Variants in APPL2 observed in about 807,000 individuals in gnomAD.
The protein encoded by APPL2 is DCC-interacting protein 13-beta.
Under a neutral mutation model 92.7 loss-of-function variants are expected in APPL2, and 84 were observed. The observed-to-expected ratio is 0.91, with a 90% CI of 0.76 to 1.09. APPL2 has a LOEUF of 1.09. APPL2 is among the 50% of genes least tolerant of loss of function. APPL2 has a pLI of 0.00. For missense variants in APPL2, 736 were observed against 824.5 expected (o/e 0.89, Z 1.31); for synonymous variants, 291 against 291.0 (o/e 1.00, Z 0.00).
chr12:105,217,272 C>G, intron 3 of APPL2, 132 bp from the exon 4 acceptor site: 1 of 619,644 alleles, frequency 1.6e-6, no homozygotes, highest in Middle Eastern at 2.6e-4. Context: ...TCAGAAGTGT[C>G]TACCTGAAGA....
At chr12:105,201,234 A>T (rs550667881) in intron 9 of APPL2, among the ~76,000 whole-genome samples, 1 of 152,170 alleles carries the variant, frequency 6.6e-6, no homozygotes, top group East Asian at 1.9e-4. Flanking sequence ...ATGCAGCTCG[A>T]TTTTGGCTTT....
chr12:105,197,690 A>G, intron 11 of APPL2, 75 bp downstream of exon 11: 5 of 1,562,938 alleles, frequency 3.2e-6, no homozygotes, highest in Non-Finnish European at 4.4e-6. Context: ...GCACATAGGA[A>G]TGAACTAGGA....
chr12:105,233,406 A>G, intron 1 of APPL2: 1 of 985,482 alleles, frequency 1.0e-6, no homozygotes, highest in Non-Finnish European at 1.2e-6. Context: ...TAGTTTTACA[A>G]TGCATCGTGC....
rs118064566 is a variant in APPL2, at chr12:105,204,647, T to C, written c.622-862A>G. Among the ~76,000 whole-genome samples the C allele has an allele frequency of 8.5e-5, 13 of 152,292 alleles. No homozygotes were observed. In the East Asian group the frequency reaches 2.5e-3, roughly 29 times the overall value. On this transcript the variant is annotated intron_variant, in intron 8 of 20. Transcript: ENST00000258530. ...ATCAAAATGAGTATTAATCATTTAA[T>C]ATCATTAATTTGTTAAATCAGCACT...
At chr12:105,204,971 C>T (rs931114789) in intron 8 of APPL2, among the ~76,000 whole-genome samples, 14 of 152,166 alleles carry the variant, frequency 9.2e-5, no homozygotes, top group Middle Eastern at 3.2e-3. Context: ...GCATGAGGAC[C>T]GAACATGACT....
At chr12:105,197,449 C>T (rs1887756419) in intron 11 of APPL2, among the ~76,000 whole-genome samples, 1 of 152,204 alleles carries the variant, frequency 6.6e-6, no homozygotes, top group Non-Finnish European at 1.5e-5. Context: ...TAGGAGTAGC[C>T]ACAGCCTTCT....
At chr12:105,187,952 A>G (rs969112065) in intron 17 of APPL2, among the ~76,000 whole-genome samples, 2 of 151,914 alleles carry the variant, frequency 1.3e-5, no homozygotes, top group African/African-American at 4.8e-5. Flanking sequence ...TTTTTTATAA[A>G]TAGTACTCTC....
chr12:105,214,543 A>G (rs1352960082), intron 4 of APPL2, among the ~76,000 whole-genome samples: 1 of 152,250 alleles, frequency 6.6e-6, no homozygotes, highest in Non-Finnish European at 1.5e-5. Context: ...AGTGCATGTG[A>G]TATCATGATA....
chr12:105,176,199 C>G, intron 19 of APPL2, 117 bp from the exon 20 acceptor site: 1 of 867,352 alleles, frequency 1.2e-6, no homozygotes, highest in Non-Finnish European at 1.8e-6. Context: ...CTTGGGAACA[C>G]AGGACCTGGC....
intron 17 of APPL2, among the ~76,000 whole-genome samples, chr12:105,184,686 T>A (rs1034260822): frequency 5.9e-5 from 9 of 152,226 alleles, no homozygotes; most frequent in African/African-American, 1.9e-4. Flanking sequence ...ATGAGGTGTC[T>A]GTCGATTCCT....
At chr12:105,208,276 G>A in intron 5 of APPL2, 77 bp from the exon 6 acceptor site, 2 of 1,540,934 alleles carry the variant, frequency 1.3e-6, no homozygotes, top group Non-Finnish European at 1.8e-6. Context: ...ACTTTCCCCT[G>A]AAAATAAGAG....
rs146751866 is a variant in APPL2 at position 105,207,068 on chromosome 12, T to C, written c.614A>G (p.His205Arg). The C allele has an allele frequency of 4.8e-5, 78 of 1,613,934 alleles. No individual in the cohort carries two copies. The African/African-American group carries it at 7.1e-4, about 15-fold the overall frequency. Residue 205 changes from histidine to arginine, a missense_variant, in exon 8 of 21, where the codon CAT becomes CGT. Transcript: ENST00000258530. The stretch of plus-strand genomic sequence containing the variant: ...AGGGAGGGACTCCCCTACCTGTCCA[T>C]GGGCAAAGCCTATCATGGGCTCCAT... ...AMMEPMIGFA[H>R]GQINFFKKGA...
At chr12:105,189,107 C>T (rs1592769112) in intron 16 of APPL2, among the ~76,000 whole-genome samples, 1 of 152,132 alleles carries the variant, frequency 6.6e-6, no homozygotes, top group East Asian at 1.9e-4. Context: ...CAACCTCCGC[C>T]TCCCAGGTTC....
At chr12:105,218,929 C>G (rs1194419641) in intron 2 of APPL2, among the ~76,000 whole-genome samples, 2 of 152,242 alleles carry the variant, frequency 1.3e-5, no homozygotes, top group African/African-American at 2.4e-5. Flanking sequence ...GTTTATTCCT[C>G]TAATCTCTGG....
At chr12:105,176,703 A>T (rs1038102516) in intron 19 of APPL2, 173 bp downstream of exon 19, 1 of 796,948 alleles carries the variant, frequency 1.3e-6, no homozygotes, top group Non-Finnish European at 1.9e-6. Context: ...CCACAGAGAA[A>T]TTTAAATCGA....
At chr12:105,193,711 C>T (rs1015994220) in intron 14 of APPL2, among the ~76,000 whole-genome samples, 1 of 152,154 alleles carries the variant, frequency 6.6e-6, no homozygotes, top group African/African-American at 2.4e-5. Flanking sequence ...CTTGTTGCCT[C>T]TTTCTCCTCT....
intron 7 of APPL2, among the ~76,000 whole-genome samples, chr12:105,207,607 A>G (rs911736145): frequency 8.5e-5 from 13 of 152,204 alleles, no homozygotes; most frequent in African/African-American, 3.1e-4. Flanking sequence ...AATAGTCAAT[A>G]TTATCTAGAG....
chr12:105,213,066 G>A (rs1189874943), intron 4 of APPL2, among the ~76,000 whole-genome samples: 1 of 152,216 alleles, frequency 6.6e-6, no homozygotes, highest in African/African-American at 2.4e-5. Flanking sequence ...AACAGGCTCT[G>A]TGCTTGACGC....
chr12:105,196,058 CA>C (rs371863529), intron 11 of APPL2, among the ~76,000 whole-genome samples: 8,002 of 121,516 alleles, frequency 0.066, 696 homozygotes, highest in African/African-American at 0.23. Flanking sequence ...CTATCTCAAA[CA>C]AAAAAAAAAA....
Sources: gnomAD v4.1 joint callset for allele counts (sites outside exome capture counted in the v4.1 genomes callset) on GRCh38, gnomAD v4.1.1 for gene constraint, MANE v1.5 for transcripts, NCBI Gene and HGNC (gene_info 2026-07-23, HGNC 2026-07-21) for gene names.